ZNF609: variants seen among roughly 807,000 people sequenced by gnomAD.
ZNF609 encodes zinc finger protein 609.
A neutral mutation model predicts 109.5 loss-of-function variants in ZNF609; 11 were observed. That is an observed-to-expected ratio of 0.10 (90% confidence interval 0.06 to 0.17). The LOEUF is 0.17. Ranked by LOEUF, ZNF609 falls within the 10% of genes least tolerant of loss-of-function variation. The probability of loss-of-function intolerance (pLI) is 1.00; values close to 1 mark genes in which losing one functional copy is unlikely to be tolerated. For synonymous variants in ZNF609, 646 were observed against 662.0 expected, an observed-to-expected ratio of 0.98 and a Z score of 0.37; for missense variants, 1,559 against 1,772.4, an observed-to-expected ratio of 0.88 and a Z score of 2.16.
intron 2 of ZNF609, among the ~76,000 whole-genome samples, chr15:64,607,959 C>T (rs1305359652): frequency 2.5e-5 from 3 of 120,876 alleles, no homozygotes; most frequent in Non-Finnish European, 4.8e-5. Flanking sequence ...AGTAGGGTGG[C>T]AGGATCTCGG....
intron 2 of ZNF609, among the ~76,000 whole-genome samples, chr15:64,614,270 G>A (rs1389720994): frequency 4.2e-5 from 6 of 142,366 alleles, no homozygotes; most frequent in South Asian, 2.2e-4. Context: ...TTGCTCTGTC[G>A]CCCAGGCTGG....
At chr15:64,469,317 AGG>A (rs1378149729) in intron 1 of ZNF609, among the ~76,000 whole-genome samples, 1 of 149,740 alleles carries the variant, frequency 6.7e-6, no homozygotes, top group Non-Finnish European at 1.5e-5. Context: ...CCAGCTCTTC[AGG>A]AAGCAGAGAT....
intron 1 of ZNF609, among the ~76,000 whole-genome samples, chr15:64,472,164 C>T (rs939179505): frequency 3.3e-4 from 50 of 152,250 alleles, no homozygotes; most frequent in African/African-American, 9.1e-4. Flanking sequence ...CCACCCGCCT[C>T]GGCCTCCCAA....
chr15:64,681,255 A>C, intron 8 of ZNF609, 54 bp from the exon 9 acceptor site: 2 of 1,540,500 alleles, frequency 1.3e-6, no homozygotes, highest in Non-Finnish European at 1.8e-6. Flanking sequence ...AGGGAAAAAG[A>C]TTAATGGAAG....
At chr15:64,546,653 T>C (rs193206233) in intron 2 of ZNF609, among the ~76,000 whole-genome samples, 9 of 152,038 alleles carry the variant, frequency 5.9e-5, no homozygotes, top group Admixed American at 5.2e-4. Context: ...TTAAATTTTT[T>C]TGTAGTGATG....
chr15:64,635,586 A>T (rs1390494183), intron 3 of ZNF609, among the ~76,000 whole-genome samples: 1 of 152,186 alleles, frequency 6.6e-6, no homozygotes, highest in African/African-American at 2.4e-5. Context: ...TTTGTTAGTC[A>T]TTGGTTGTGA....
intron 1 of ZNF609, among the ~76,000 whole-genome samples, chr15:64,487,149 TTAA>T (rs1207397684): frequency 3.9e-5 from 6 of 152,184 alleles, no homozygotes; most frequent in African/African-American, 1.2e-4. Flanking sequence ...CTATTTCTGA[TTAA>T]TTTTTTTCAG....
chr15:64,488,066 A>AT (rs1893356667), intron 1 of ZNF609, among the ~76,000 whole-genome samples: 1 of 152,216 alleles, frequency 6.6e-6, no homozygotes, highest in Admixed American at 6.5e-5. Flanking sequence ...GGAAGCAACT[A>AT]TGCATGAATG....
intron 2 of ZNF609, among the ~76,000 whole-genome samples, chr15:64,614,132 G>T (rs1170137225): frequency 6.6e-6 from 1 of 151,338 alleles, no homozygotes; most frequent in East Asian, 1.9e-4. Flanking sequence ...TGTTGGCCGG[G>T]CTACTCTCGA....
At chr15:64,522,534 A>G (rs886918829) in intron 2 of ZNF609, among the ~76,000 whole-genome samples, 20 of 152,228 alleles carry the variant, frequency 1.3e-4, no homozygotes, top group Admixed American at 1.2e-3. Flanking sequence ...TTAGCTTTTT[A>G]TAACTTATCT....
At chr15:64,539,565 A>C in intron 2 of ZNF609, among the ~76,000 whole-genome samples, 1 of 148,890 alleles carries the variant, frequency 6.7e-6, no homozygotes, top group African/African-American at 2.5e-5. Flanking sequence ...GTGCAGTGGC[A>C]CAATCTCAGC....
At chr15:64,644,510 T>C (rs1226766223) in intron 3 of ZNF609, among the ~76,000 whole-genome samples, 2 of 151,882 alleles carry the variant, frequency 1.3e-5, no homozygotes, top group Non-Finnish European at 2.9e-5. Context: ...AAAAGAAAAA[T>C]AATAAAAAGA....
chr15:64,498,649 C>G (rs1489466860), intron 1 of ZNF609, among the ~76,000 whole-genome samples: 1 of 152,170 alleles, frequency 6.6e-6, no homozygotes, highest in Non-Finnish European at 1.5e-5. Flanking sequence ...TTCAGCTTCT[C>G]TGAACTTAAG....
intron 2 of ZNF609, among the ~76,000 whole-genome samples, chr15:64,613,181 C>T (rs1275441054): frequency 1.3e-5 from 2 of 151,906 alleles, no homozygotes; most frequent in African/African-American, 4.8e-5. Context: ...GTTAACCAGT[C>T]ATGGTGGCGT....
At chr15:64,668,101 G>A (rs1481050854) in intron 3 of ZNF609, among the ~76,000 whole-genome samples, 3 of 152,166 alleles carry the variant, frequency 2.0e-5, no homozygotes, top group Admixed American at 1.3e-4. Context: ...GAAAGAAATT[G>A]CAAAGTGATG....
chr15:64,621,767 CT>C (rs11327193), intron 2 of ZNF609, among the ~76,000 whole-genome samples: 12,943 of 138,268 alleles, frequency 0.094, 1,050 homozygotes, highest in African/African-American at 0.23. Context: ...TTGCTTCTTT[CT>C]TTTTTTTTTT....
chr15:64,462,726 C>A (rs1892961131), intron 1 of ZNF609, among the ~76,000 whole-genome samples: 1 of 152,186 alleles, frequency 6.6e-6, no homozygotes, highest in African/African-American at 2.4e-5. Flanking sequence ...GCTGTGGGAA[C>A]AAACCTTTCA....
intron 2 of ZNF609, among the ~76,000 whole-genome samples, chr15:64,613,008 C>G (rs1389583136): frequency 1.3e-5 from 2 of 151,808 alleles, no homozygotes; most frequent in Non-Finnish European, 2.9e-5. Flanking sequence ...GAGTGAGACT[C>G]TGTCTAAAAC....
At chr15:64,539,608 AT>A (rs1314228985) in intron 2 of ZNF609, among the ~76,000 whole-genome samples, 2 of 152,040 alleles carry the variant, frequency 1.3e-5, no homozygotes, top group Non-Finnish European at 2.9e-5. Flanking sequence ...GGTTCAAGCG[AT>A]TCTCCTGCCT....
Sources: allele counts gnomAD v4.1 joint callset (sites outside exome capture counted in the v4.1 genomes callset), GRCh38; gene constraint gnomAD v4.1.1; transcripts MANE v1.5; gene names NCBI Gene and HGNC (gene_info 2026-07-23, HGNC 2026-07-21).